ITPR1: variants seen among roughly 807,000 people sequenced by gnomAD.
The protein encoded by ITPR1 is inositol 1,4,5-trisphosphate-gated calcium channel ITPR1.
A neutral mutation model predicts 318.4 loss-of-function variants in ITPR1; 96 were observed. The ratio of observed to expected loss-of-function variants is 0.30; its 90% CI spans 0.26 to 0.36. ITPR1 has a LOEUF of 0.36. Among genes scored for constraint, ITPR1 ranks in the 10% least tolerant of loss-of-function variants. The pLI, the probability that ITPR1 is intolerant of heterozygous loss-of-function variation, is 1.00. For missense variants in ITPR1, 2,440 were observed against 3,460.2 expected (o/e 0.71, Z 7.40); for synonymous variants, 1,312 against 1,289.9 (o/e 1.02, Z -0.37).
intron 44 of ITPR1, among the ~76,000 whole-genome samples, chr3:4,739,685 T>A (rs1464869114): frequency 6.6e-6 from 1 of 152,212 alleles, no homozygotes; most frequent in Non-Finnish European, 1.5e-5. Flanking sequence ...AATAACCACC[T>A]AAAAATTTAA....
intron 4 of ITPR1, among the ~76,000 whole-genome samples, chr3:4,579,300 A>G (rs1478035060): frequency 2.0e-5 from 3 of 152,226 alleles, no homozygotes; most frequent in Non-Finnish European, 4.4e-5. Flanking sequence ...GCATTTGCTG[A>G]TCCCTGTAAA....
rs775011992 is a variant in ITPR1, at chr3:4,847,041, C to T, written c.*816C>T. 2.0e-5 allele frequency: 3 copies of T among 152,720 alleles called. No individual in the cohort carries two copies. The highest frequency in any genetic ancestry group is 2.1e-4 in the South Asian group (1 of 4,822). The allele number at this position is 152,720 out of a possible 1,614,324, so 9.5% of individuals were successfully genotyped here. ...GGATAAATGCATACTGCTGGCCAATCAGTGTCATCTCCTGGGTAAATTTTG... is the reference window on the plus strand; with the variant it reads ...GGATAAATGCATACTGCTGGCCAATTAGTGTCATCTCCTGGGTAAATTTTG... On this transcript the variant is annotated 3_prime_UTR_variant, in exon 62 of 62. Coordinates refer to ENST00000649015, the MANE Select transcript of ITPR1 (RefSeq NM_001378452.1).
intron 61 of ITPR1, 145 bp downstream of exon 61, chr3:4,837,080 ACTC>A: frequency 1.7e-6 from 1 of 590,530 alleles, no homozygotes; most frequent in Non-Finnish European, 2.7e-6. Context: ...AAACCCACTC[ACTC>A]CTCCAGTCTC....
chr3:4,679,147 G>A lies in ITPR1; in HGVS notation c.2968-1406G>A, dbSNP rs183986785. Among the ~76,000 whole-genome samples, 259 of 152,322 alleles carry A rather than the reference G, an allele frequency of 1.7e-3. 1 individual carries two copies. The highest frequency in any genetic ancestry group is 3.2e-3 in the Non-Finnish European group (220 of 68,032). On this transcript the variant is annotated intron_variant, in intron 24 of 61. Transcript: ENST00000649015. Reference sequence around the variant, plus strand: ...CAGGACTTAGTCTCTGATTAGATGTGTGTCCAGGAAGGAGGCGCTGATGAT... The same window carrying A: ...CAGGACTTAGTCTCTGATTAGATGTATGTCCAGGAAGGAGGCGCTGATGAT...
At chr3:4,717,006 C>G (rs1471235339) in intron 39 of ITPR1, among the ~76,000 whole-genome samples, 3 of 152,224 alleles carry the variant, frequency 2.0e-5, no homozygotes, top group African/African-American at 7.2e-5. Flanking sequence ...TTTCACTCTA[C>G]TCTTTCCCAC....
chr3:4,672,126 CATCTT>C (rs2094100378), intron 20 of ITPR1, among the ~76,000 whole-genome samples: 1 of 152,200 alleles, frequency 6.6e-6, no homozygotes, highest in African/African-American at 2.4e-5. Flanking sequence ...TGTCAGGAAA[CATCTT>C]CATTCAAATT....
chr3:4,782,831 T>A, intron 50 of ITPR1, 90 bp downstream of exon 50: 1 of 1,254,222 alleles, frequency 8.0e-7, no homozygotes, highest in Non-Finnish European at 1.1e-6. Context: ...TGCTTTTCCT[T>A]TATGACTTTA....
intron 44 of ITPR1, among the ~76,000 whole-genome samples, chr3:4,754,428 A>T (rs887279078): frequency 1.3e-5 from 2 of 152,172 alleles, no homozygotes; most frequent in Non-Finnish European, 2.9e-5. Context: ...GAAAGTCTTC[A>T]TGTCCTCCTG....
chr3:4,810,424 T>C (rs2048860747), intron 55 of ITPR1, among the ~76,000 whole-genome samples: 1 of 152,148 alleles, frequency 6.6e-6, no homozygotes, highest in Non-Finnish European at 1.5e-5. Flanking sequence ...GATCCTCCAT[T>C]CCTCAGGAAG....
chr3:4,800,228 G>T (rs764924494), intron 53 of ITPR1, 197 bp from the exon 54 acceptor site: 4 of 538,506 alleles, frequency 7.4e-6, no homozygotes, highest in Non-Finnish European at 1.3e-5. Context: ...CCCAGCAGAA[G>T]GAGCATGTGT....
intron 2 of ITPR1, among the ~76,000 whole-genome samples, chr3:4,496,196 A>C (rs1041336493): frequency 6.6e-6 from 1 of 152,252 alleles, no homozygotes; most frequent in African/African-American, 2.4e-5. Context: ...GAATAATTCG[A>C]AAGTTTAAAC....
chr3:4,833,182 A>T (rs1228443422), intron 60 of ITPR1, among the ~76,000 whole-genome samples: 3 of 152,216 alleles, frequency 2.0e-5, no homozygotes, highest in African/African-American at 7.2e-5. Context: ...TTGTTCAAAG[A>T]CCCTTCTGAA....
rs554238679 is a variant in ITPR1, at chr3:4,840,820, A to C, written c.8190+3885A>C. Among the ~76,000 whole-genome samples, 22 of 152,324 alleles carry C rather than the reference A, an allele frequency of 1.4e-4. No individual in the cohort carries two copies. The East Asian group carries it at 1.9e-3, about 13-fold the overall frequency. Reference sequence around the variant, plus strand: ...AGGAGAACTAATGTAAGAACTTAAAAATCTTTTGCATGTTTTCTTCATAAT... The same window carrying C: ...AGGAGAACTAATGTAAGAACTTAAACATCTTTTGCATGTTTTCTTCATAAT... On this transcript the variant is annotated intron_variant, in intron 61 of 61. Coordinates refer to ENST00000649015, the MANE Select transcript of ITPR1 (RefSeq NM_001378452.1).
chr3:4,661,970 A>G, intron 14 of ITPR1, 112 bp from the exon 15 acceptor site: 1 of 859,922 alleles, frequency 1.2e-6, no homozygotes, highest in Admixed American at 2.4e-5. Context: ...TTTAACTGCA[A>G]GATAGCTCTA....
At chr3:4,830,240 C>T (rs112695811) in intron 60 of ITPR1, among the ~76,000 whole-genome samples, 7 of 151,654 alleles carry the variant, frequency 4.6e-5, no homozygotes, top group South Asian at 2.1e-4. Flanking sequence ...CCTCCCAAAG[C>T]GCTGGGATTA....
At chr3:4,663,606 A>G (rs905720618) in intron 16 of ITPR1, among the ~76,000 whole-genome samples, 2 of 152,212 alleles carry the variant, frequency 1.3e-5, no homozygotes, top group South Asian at 2.1e-4. Flanking sequence ...GACATCCTAC[A>G]TCACAGTGAG....
Position 4,734,978 on chromosome 3 carries a change from T to G in ITPR1, c.5354-186T>G, listed in dbSNP as rs11920824. Among the ~76,000 whole-genome samples the G allele has an allele frequency of 0.16, 24,549 of 152,212 alleles. 2,104 individuals are homozygous for G. The highest frequency in any genetic ancestry group is 0.2 in the African/African-American group (8,383 of 41,498). ...ATCTCTGCTGCTGACAAGCTGGGTGTCCTTAGGGAAAGCACCTTCATCGCT... is the reference window on the plus strand; with the variant it reads ...ATCTCTGCTGCTGACAAGCTGGGTGGCCTTAGGGAAAGCACCTTCATCGCT... On this transcript the variant is annotated intron_variant, in intron 43 of 61. Coordinates refer to ENST00000649015, the MANE Select transcript of ITPR1 (RefSeq NM_001378452.1).
chr3:4,756,537 A>G (rs2045004966), intron 44 of ITPR1, among the ~76,000 whole-genome samples: 1 of 152,036 alleles, frequency 6.6e-6, no homozygotes, highest in African/African-American at 2.4e-5. Flanking sequence ...TGTGTTCATG[A>G]GTTCTCATCA....
chr3:4,837,160 AGGACAT>A (rs1427210301), intron 61 of ITPR1, among the ~76,000 whole-genome samples: 2 of 152,186 alleles, frequency 1.3e-5, no homozygotes, highest in Non-Finnish European at 2.9e-5. Context: ...AGTGCTGCTC[AGGACAT>A]GGTTTTAATA....
Sources: gnomAD v4.1 joint callset for allele counts (sites outside exome capture counted in the v4.1 genomes callset) on GRCh38, gnomAD v4.1.1 for gene constraint, MANE v1.5 for transcripts, NCBI Gene and HGNC (gene_info 2026-07-23, HGNC 2026-07-21) for gene names.